The following SCRG1 variants were observed in gnomAD, a reference collection of about 807,000 sequenced individuals.
SCRG1 encodes the protein stimulator of chondrogenesis 1, also known as scrapie-responsive protein 1.
In SCRG1, 3 loss-of-function variants were observed where a neutral mutation model predicts 7.7. The ratio of observed to expected loss-of-function variants is 0.39; its 90% CI spans 0.18 to 1.01. The LOEUF (loss-of-function observed/expected upper bound fraction) is 1.01. SCRG1 is among the 50% of genes least tolerant of loss of function. The probability of loss-of-function intolerance (pLI) is 0.36; values close to 1 mark genes in which losing one functional copy is unlikely to be tolerated. For missense variants in SCRG1, 110 were observed against 117.2 expected (o/e 0.94, Z 0.28); for synonymous variants, 46 against 41.2 (o/e 1.12, Z -0.44).
At chr4:173,391,105 G>A (rs761633173) in intron 2 of SCRG1, 68 bp downstream of exon 2, 84 of 1,541,030 alleles carry the variant, frequency 5.5e-5, no homozygotes, top group Non-Finnish European at 5.1e-5. Context: ...AACCTATTAT[G>A]AAGATGTAGC....
chr4:173,393,470 C>A (rs1739509000), intron 1 of SCRG1, among the ~76,000 whole-genome samples: 1 of 152,144 alleles, frequency 6.6e-6, no homozygotes, highest in Non-Finnish European at 1.5e-5. Context: ...CAGTGCATCA[C>A]AATCCAGCAT....
the SCRG1 span, among the ~76,000 whole-genome samples, chr4:173,502,385 G>A: frequency 1.3e-5 from 2 of 152,160 alleles, no homozygotes; most frequent in East Asian, 1.9e-4. The surrounding 1 kb of genome is among the most constrained non-coding windows in gnomAD (Gnocchi z 4.6). Flanking sequence ...CTCCATACCC[G>A]GTGTTGAGGT....
the SCRG1 span, among the ~76,000 whole-genome samples, chr4:173,437,648 G>A: frequency 2.2e-4 from 34 of 152,294 alleles, 1 homozygote; most frequent in South Asian, 7.0e-3. Context: ...CAGAAAAAAA[G>A]AAAAGCTGTA....
chr4:173,493,002 G>C, the SCRG1 span, among the ~76,000 whole-genome samples: 6 of 152,100 alleles, frequency 3.9e-5, no homozygotes, highest in Non-Finnish European at 8.8e-5. Flanking sequence ...CTAAGAACAG[G>C]GTGCCCCAGT....
the SCRG1 span, among the ~76,000 whole-genome samples, chr4:173,444,722 A>C: frequency 1.3e-5 from 2 of 152,180 alleles, no homozygotes; most frequent in African/African-American, 2.4e-5. Context: ...CCTTAATTCT[A>C]AAGAGATGCA....
At chr4:173,494,443 T>G in the SCRG1 span, among the ~76,000 whole-genome samples, 2 of 152,194 alleles carry the variant, frequency 1.3e-5, no homozygotes, top group Non-Finnish European at 2.9e-5. Context: ...AATCTATGTT[T>G]CCAAAGAGCG....
chr4:173,498,381 G>A, the SCRG1 span, among the ~76,000 whole-genome samples: 5 of 152,204 alleles, frequency 3.3e-5, no homozygotes, highest in Non-Finnish European at 7.3e-5. Context: ...GTTGGGGATA[G>A]GGAGGAGGTA....
the SCRG1 span, among the ~76,000 whole-genome samples, chr4:173,455,645 C>T: frequency 1.3e-5 from 2 of 152,044 alleles, no homozygotes; most frequent in Non-Finnish European, 1.5e-5. Flanking sequence ...GAGTGAATAT[C>T]GCAGGCTCAT....
upstream of SCRG1, among the ~76,000 whole-genome samples, chr4:173,407,072 G>A (rs1488005850): frequency 6.6e-6 from 1 of 150,846 alleles, no homozygotes; most frequent in African/African-American, 2.4e-5. Context: ...AGCCAGGCAT[G>A]GGGGCACATG....
At chr4:173,475,485 C>T in the SCRG1 span, among the ~76,000 whole-genome samples, 2 of 152,196 alleles carry the variant, frequency 1.3e-5, no homozygotes, top group Non-Finnish European at 2.9e-5. Context: ...AACCCTTGTA[C>T]ATTGCTGGTG....
At chr4:173,472,119 A>G in the SCRG1 span, among the ~76,000 whole-genome samples, 1 of 152,252 alleles carries the variant, frequency 6.6e-6, no homozygotes. Flanking sequence ...GCTGTTATGC[A>G]GTGAATATAT....
chr4:173,432,317 C>CCCTTCCTT, the SCRG1 span, among the ~76,000 whole-genome samples: 7 of 123,458 alleles, frequency 5.7e-5, no homozygotes, highest in Admixed American at 4.4e-4. Context: ...CTCCCTCCTT[C>CCCTTCCTT]CCTTCCTTCC....
chr4:173,483,833 TATATAATATATA>T, the SCRG1 span, among the ~76,000 whole-genome samples: 8 of 72,150 alleles, frequency 1.1e-4, 3 homozygotes, highest in Non-Finnish European at 1.9e-4. Flanking sequence ...ATATATATAA[TATATAATATATA>T]ATATATATTT....
At chr4:173,507,988 C>G in the SCRG1 span, among the ~76,000 whole-genome samples, 1 of 152,120 alleles carries the variant, frequency 6.6e-6, no homozygotes, top group Non-Finnish European at 1.5e-5. The surrounding 1 kb of genome is among the most constrained non-coding windows in gnomAD (Gnocchi z 4.4). Context: ...CCGAGGACTG[C>G]AGAGGGAATG....
At chr4:173,457,000 G>A in the SCRG1 span, among the ~76,000 whole-genome samples, 1 of 152,156 alleles carries the variant, frequency 6.6e-6, no homozygotes, top group Non-Finnish European at 1.5e-5. Context: ...GCTGTGAAAG[G>A]GCTCAGAGAG....
the SCRG1 span, among the ~76,000 whole-genome samples, chr4:173,495,103 A>T: frequency 1.5e-4 from 23 of 152,242 alleles, no homozygotes; most frequent in Middle Eastern, 3.2e-3. Flanking sequence ...GCCCCAAGTG[A>T]TTGGAAAATC....
At chr4:173,512,580 G>A in the SCRG1 span, among the ~76,000 whole-genome samples, 3 of 152,218 alleles carry the variant, frequency 2.0e-5, no homozygotes, top group Non-Finnish European at 4.4e-5. Flanking sequence ...GAGCAGCTGA[G>A]GGGAGCATGG....
rs758675135 is a variant in SCRG1 at position 173,388,310 on chromosome 4, G to A, written c.*31C>T. 6.4e-7 allele frequency: 1 copy of A among 1,553,610 alleles called. No individual in the cohort carries two copies. Among genetic ancestry groups the A allele is most frequent in the South Asian group, 1.1e-5 (1 of 88,466 alleles). ...TGTAGTGCAGTTTGTGGGAAATCAG[G>A]AATGGTGTTCTCCAGAATACATGAA... On this transcript the variant is annotated 3_prime_UTR_variant, in exon 3 of 3. Coordinates refer to ENST00000296506, the MANE Select transcript of SCRG1 (RefSeq NM_007281.4).
At chr4:173,480,370 G>GT in the SCRG1 span, among the ~76,000 whole-genome samples, 487 of 147,806 alleles carry the variant, frequency 3.3e-3, 3 homozygotes, top group Non-Finnish European at 4.7e-3. Flanking sequence ...TGTTTGTTTT[G>GT]TTTTTTTTTA....
Sources: gnomAD v4.1 joint callset for allele counts (sites outside exome capture counted in the v4.1 genomes callset) on GRCh38, gnomAD v4.1.1 for gene constraint, Gnocchi (gnomAD v3.1) non-coding constraint, MANE v1.5 for transcripts, NCBI Gene and HGNC (gene_info 2026-07-23, HGNC 2026-07-21) for gene names.